The following RNF168 variants were observed in gnomAD, a reference collection of about 807,000 sequenced individuals.
RNF168 encodes the protein E3 ubiquitin-protein ligase RNF168.
Under a neutral mutation model 34.9 loss-of-function variants are expected in RNF168, and 34 were observed. The ratio of observed to expected loss-of-function variants is 0.97; its 90% CI spans 0.74 to 1.30. RNF168 has a LOEUF of 1.30. Ranked by LOEUF, RNF168 falls within the 50% of genes most tolerant of loss-of-function variation. The pLI, the probability that RNF168 is intolerant of heterozygous loss-of-function variation, is 0.00. For synonymous variants in RNF168, 264 were observed against 254.7 expected, an observed-to-expected ratio of 1.04 and a Z score of -0.35; for missense variants, 725 against 682.5, an observed-to-expected ratio of 1.06 and a Z score of -0.69.
intron 5 of RNF168, among the ~76,000 whole-genome samples, chr3:196,474,570 C>T (rs1732095524): frequency 6.6e-6 from 1 of 151,962 alleles, no homozygotes; most frequent in African/African-American, 2.4e-5. Flanking sequence ...GCCTCAGCCT[C>T]CCAAGTAGCT....
rs1405872747 is a variant in RNF168, at chr3:196,472,461, T to C, written c.1074A>G (p.Thr358=). 3 of 1,614,180 alleles carry C rather than the reference T, an allele frequency of 1.9e-6. No homozygotes were observed. Among genetic ancestry groups the C allele is most frequent in the Non-Finnish European group, 1.7e-6 (2 of 1,180,018 alleles). ...CGRTESGCAP[T]SGVTQTNGNN... ...TTCCATTTGTCTGTGTCACCCCTGA[T>C]GTGGGGGCGCACCCACTTTCTGTTC... is the stretch of plus-strand genomic sequence containing the variant. The change falls in exon 6 of 6, where the codon ACA becomes ACG. Residue 358 remains threonine, a synonymous_variant. Transcript: ENST00000318037.
chr3:196,503,302 C>T lies in RNF168; in HGVS notation c.-129G>A. 3.6e-6 allele frequency: 3 copies of T among 834,994 alleles called. No homozygotes were observed. The highest frequency in any genetic ancestry group is 4.0e-6 in the Non-Finnish European group (2 of 504,230). 51.7% of individuals were successfully genotyped at this position (834,994 alleles called of 1,614,324 possible). A position where few individuals can be genotyped will look rare whatever the true frequency, so the allele number is the denominator to read the frequency against. Reference sequence around the variant, plus strand: ...TTATGCCCAGAAGCGTATCAGAATTCGGAGAACAGGAGCATCCAACACGTC... The same window carrying T: ...TTATGCCCAGAAGCGTATCAGAATTTGGAGAACAGGAGCATCCAACACGTC... On this transcript the variant is annotated 5_prime_UTR_variant, in exon 1 of 6. Coordinates refer to ENST00000318037, the MANE Select transcript of RNF168 (RefSeq NM_152617.4).
intron 1 of RNF168, among the ~76,000 whole-genome samples, chr3:196,502,137 GC>G (rs1217428939): frequency 1.4e-5 from 2 of 140,148 alleles, no homozygotes; most frequent in South Asian, 5.1e-4. Flanking sequence ...AGGAACCACC[GC>G]CCGGCTTATT....
chr3:196,491,568 C>A (rs1382249476), intron 1 of RNF168, among the ~76,000 whole-genome samples: 1 of 152,018 alleles, frequency 6.6e-6, no homozygotes, highest in African/African-American at 2.4e-5. Flanking sequence ...ATTGCTTGAA[C>A]CCGGGAGGCG....
chr3:196,497,984 TAC>T (rs1004900298), intron 1 of RNF168, among the ~76,000 whole-genome samples: 7 of 152,212 alleles, frequency 4.6e-5, no homozygotes, highest in African/African-American at 1.7e-4. Context: ...TATCATTAGT[TAC>T]CTGGAAATTG....
intron 4 of RNF168, among the ~76,000 whole-genome samples, chr3:196,477,859 G>A (rs1323331562): frequency 6.6e-6 from 1 of 152,168 alleles, no homozygotes; most frequent in Admixed American, 6.6e-5. Flanking sequence ...TGAGGTGGGA[G>A]GATCGTTTGA....
chr3:196,493,541 CTT>C (rs1344131884), intron 1 of RNF168, among the ~76,000 whole-genome samples: 1 of 151,052 alleles, frequency 6.6e-6, no homozygotes, highest in Non-Finnish European at 1.5e-5. Context: ...TCTTTTTCTT[CTT>C]TGACGGAGTT....
intron 4 of RNF168, among the ~76,000 whole-genome samples, chr3:196,482,933 T>C (rs1434086876): frequency 6.6e-6 from 1 of 152,114 alleles, no homozygotes; most frequent in African/African-American, 2.4e-5. Context: ...CTCTGGTAAT[T>C]TTTTATTTTT....
chr3:196,486,795 T>G (rs1400942628), intron 3 of RNF168, among the ~76,000 whole-genome samples: 1 of 152,202 alleles, frequency 6.6e-6, no homozygotes, highest in African/African-American at 2.4e-5. Context: ...TTAAACAACT[T>G]GCGGTGGCTC....
intron 1 of RNF168, among the ~76,000 whole-genome samples, chr3:196,502,460 C>A (rs1159074773): frequency 6.6e-6 from 1 of 151,846 alleles, no homozygotes; most frequent in Non-Finnish European, 1.5e-5. Context: ...TGATGGTGCA[C>A]GCGTGTAACC....
chr3:196,473,089 T>C (rs1284006362), intron 5 of RNF168, among the ~76,000 whole-genome samples: 3 of 152,112 alleles, frequency 2.0e-5, no homozygotes, highest in Admixed American at 6.6e-5. Flanking sequence ...GATTAAGCTA[T>C]TACTTCATTT....
At chr3:196,480,987 T>C (rs1413949624) in intron 4 of RNF168, among the ~76,000 whole-genome samples, 3 of 152,212 alleles carry the variant, frequency 2.0e-5, no homozygotes, top group African/African-American at 7.2e-5. Context: ...TATTTTCTGA[T>C]ACTACTATCG....
chr3:196,503,194 G>A lies in RNF168; in HGVS notation c.-21C>T, dbSNP rs1359735071. 6.8e-6 allele frequency: 11 copies of A among 1,610,472 alleles called. No homozygotes were observed. Among genetic ancestry groups the A allele is most frequent in the African/African-American group, 1.3e-5 (1 of 74,826 alleles). ...GCCATTTCAATATGTTAGTAAAGCC[G>A]ACTAAACAACGACACCTGCACGAAA... is the stretch of plus-strand genomic sequence containing the variant. On this transcript the variant is annotated 5_prime_UTR_variant, in exon 1 of 6. Transcript: ENST00000318037.
At position 196,472,362 on chromosome 3, in the gene RNF168, T is replaced by C. The variant is rs749824751; in HGVS notation, c.1173A>G (p.Gln391=). Residue 391 remains glutamine (Q), a synonymous_variant, in exon 6 of 6, where the codon CAA becomes CAG. Coordinates refer to ENST00000318037, the MANE Select transcript of RNF168 (RefSeq NM_152617.4). ...CCTTGACTGCTTCAAAGGAAGATTC[T>C]TGGTTTTTTCTTTTGGAAATCTCCT... The part of the protein sequence containing the change: ...ISKEISKRKN[Q]ESSFEAVKDP... The C allele has an allele frequency of 6.2e-7, 1 of 1,614,114 alleles. No individual in the cohort carries two copies. The highest frequency in any genetic ancestry group is 2.2e-5 in the East Asian group (1 of 44,894).
chr3:196,486,076 T>A (rs1438294871), intron 3 of RNF168, among the ~76,000 whole-genome samples: 1 of 152,318 alleles, frequency 6.6e-6, no homozygotes, highest in East Asian at 1.9e-4. Flanking sequence ...ATGTGTTTTA[T>A]CACACACCAT....
rs945774525 is a variant in RNF168, at chr3:196,503,460, G to A, written c.-287C>T. 6 of 440,388 alleles carry A rather than the reference G, an allele frequency of 1.4e-5. No individual in the cohort carries two copies. The highest frequency in any genetic ancestry group is 6.0e-5 in the African/African-American group (3 of 49,806). 27.3% of individuals were successfully genotyped at this position (440,388 alleles called of 1,614,324 possible). A position where few individuals can be genotyped will look rare whatever the true frequency, so the allele number is the denominator to read the frequency against. Reference sequence around the variant, plus strand: ...TTCGTCGGAGGAGCCTGGCTGCTCCGCGGCATGAACACCGCGGCTGCGGCT... The same window carrying A: ...TTCGTCGGAGGAGCCTGGCTGCTCCACGGCATGAACACCGCGGCTGCGGCT... On this transcript the variant is annotated 5_prime_UTR_variant, in exon 1 of 6. Transcript: ENST00000318037.
rs753770376 is a variant in RNF168 at position 196,472,312 on chromosome 3, C to G, written c.1223G>C (p.Arg408Thr). 6.2e-7 allele frequency: 1 copy of G among 1,614,046 alleles called. No individual in the cohort carries two copies. The highest frequency in any genetic ancestry group is 8.5e-7 in the Non-Finnish European group (1 of 1,179,936). Residue 408 changes from arginine (R) to threonine (T), a missense_variant, in exon 6 of 6, where the codon AGA (arginine) becomes ACA (threonine). Arg to Thr is a moderately conservative substitution (Grantham distance 71). Transcript: ENST00000318037. ...TGGGGAAGATTCGGGGGACACTTTT[C>G]TTCTTTTTGCAGAAAAGCATGGATC... Reference protein sequence around the residue: ...VKDPCFSAKRRKVSPESSPDQ... With the variant: ...VKDPCFSAKRTKVSPESSPDQ...
In RNF168 at chr3:196,487,495, T is replaced by A. The variant is rs756545420; in HGVS notation, c.462A>T (p.Glu154Asp). ...EYIQRLLAEE[E>D]EEEKRQAEKR... ...TTTCTGCCTGTCTTTTTTCCTCTTCTTCCTCCTCTGCCAACAACCTCTGTA... is the reference window on the plus strand; with the variant it reads ...TTTCTGCCTGTCTTTTTTCCTCTTCATCCTCCTCTGCCAACAACCTCTGTA... Residue 154 changes from glutamate (E) to aspartate (D), a missense_variant, in exon 3 of 6, where the codon GAA (glutamate) becomes GAT (aspartate). Glu to Asp is a conservative substitution (Grantham distance 45). Coordinates refer to ENST00000318037, the MANE Select transcript of RNF168 (RefSeq NM_152617.4). The A allele has an allele frequency of 1.9e-6, 3 of 1,614,044 alleles. No homozygotes were observed. The African/African-American group carries it at 4.0e-5, about 22-fold the overall frequency.
At chr3:196,473,802 C>G (rs1732072328) in intron 5 of RNF168, among the ~76,000 whole-genome samples, 1 of 150,530 alleles carries the variant, frequency 6.6e-6, no homozygotes, top group Non-Finnish European at 1.5e-5. Context: ...ACGATGGATT[C>G]TCTCTCAAAA....
Sources: gnomAD v4.1 joint callset for allele counts (sites outside exome capture counted in the v4.1 genomes callset) on GRCh38, gnomAD v4.1.1 for gene constraint, MANE v1.5 for transcripts, NCBI Gene and HGNC (gene_info 2026-07-23, HGNC 2026-07-21) for gene names.